The following GTF3C1 variants were observed in gnomAD, a reference collection of about 807,000 sequenced individuals.
GTF3C1 encodes the protein general transcription factor IIIC subunit 1, also known as general transcription factor 3C polypeptide 1.
In GTF3C1, 57 loss-of-function variants were observed where a neutral mutation model predicts 226.7. The ratio of observed to expected loss-of-function variants is 0.25; its 90% CI spans 0.20 to 0.31. The LOEUF (loss-of-function observed/expected upper bound fraction) is 0.31. GTF3C1 is among the 10% of genes least tolerant of loss of function. GTF3C1 has a pLI of 1.00. For synonymous variants in GTF3C1, 1,090 were observed against 1,084.8 expected (o/e 1.00, Z -0.09); for missense variants, 2,217 against 2,776.1 (o/e 0.80, Z 4.53).
In GTF3C1 at chr16:27,498,729, TC is replaced by T; in HGVS notation, c.2065del (p.Asp689IlefsTer14). The part of the protein sequence containing the change: ...VIQDGIKKKV[D>X]LVVHPSMDQN... The stretch of plus-strand genomic sequence containing the variant: ...GTCCATGGACGGGTGCACCACCAGA[TC>T]CACCTGGAGAGAGAGGTTGGAGCAT... On this transcript the variant is annotated frameshift_variant, in exon 13 of 37. Coordinates refer to ENST00000356183, the MANE Select transcript of GTF3C1 (RefSeq NM_001520.4). LOFTEE classifies it high-confidence loss of function. 1 of 1,540,894 alleles carries T rather than the reference TC, an allele frequency of 6.5e-7. No homozygotes were observed. The highest frequency in any genetic ancestry group is 9.0e-7 in the Non-Finnish European group (1 of 1,113,270).
chr16:27,462,687 C>T lies in GTF3C1; in HGVS notation c.5925-201G>A. On this transcript the variant is annotated intron_variant, in intron 35 of 36. Coordinates refer to ENST00000356183, the MANE Select transcript of GTF3C1 (RefSeq NM_001520.4). The surrounding 1 kb of genome is among the most constrained non-coding windows in gnomAD (Gnocchi z 4.5). The stretch of plus-strand genomic sequence containing the variant: ...GCCCTTGACCGCCAGCTGGGTGGAA[C>T]CAGGACGTGGTGTCCGCTCTGATGT... The T allele has an allele frequency of 1.7e-6, 1 of 572,698 alleles. No individual in the cohort carries two copies. The highest frequency in any genetic ancestry group is 2.8e-5 in the East Asian group (1 of 35,508). The allele number at this position is 572,698 out of a possible 1,614,324, so 35.5% of individuals were successfully genotyped here.
chr16:27,513,922 G>T (rs1344249832), intron 6 of GTF3C1, among the ~76,000 whole-genome samples: 1 of 152,136 alleles, frequency 6.6e-6, no homozygotes, highest in South Asian at 2.1e-4. Context: ...CAGCACAGAA[G>T]ACTGAGGTCC....
intron 5 of GTF3C1, among the ~76,000 whole-genome samples, chr16:27,530,424 C>A (rs1318851215): frequency 2.6e-5 from 4 of 152,106 alleles, no homozygotes; most frequent in African/African-American, 9.7e-5. Flanking sequence ...TGTAGTCTTG[C>A]CTTCTGAGGG....
At chr16:27,494,532 C>T (rs1324894892) in intron 16 of GTF3C1, among the ~76,000 whole-genome samples, 1 of 152,132 alleles carries the variant, frequency 6.6e-6, no homozygotes, top group Non-Finnish European at 1.5e-5. Context: ...ACCCGCCAAC[C>T]ACCCACCCAT....
At position 27,473,618 on chromosome 16, in the gene GTF3C1, C is replaced by T. The variant is rs544902836; in HGVS notation, c.4354-1698G>A. On this transcript the variant is annotated intron_variant, in intron 29 of 36. Coordinates refer to ENST00000356183, the MANE Select transcript of GTF3C1 (RefSeq NM_001520.4). ...GGTGGGTCAGAGGAGAGAAGAGCAA[C>T]CTCACCACTGCACCTTCCTTCCAGT... Among the ~76,000 whole-genome samples the T allele has an allele frequency of 4.4e-4, 67 of 152,346 alleles. 1 individual carries two copies. In the South Asian group the frequency reaches 0.014, roughly 31 times the overall value.
chr16:27,538,211 G>C lies in GTF3C1; in HGVS notation c.577C>G (p.Leu193Val). 1 of 1,587,108 alleles carries C rather than the reference G, an allele frequency of 6.3e-7. No homozygotes were observed. Among genetic ancestry groups the C allele is most frequent in the Non-Finnish European group, 8.5e-7 (1 of 1,169,830 alleles). Residue 193 changes from leucine to valine, a missense_variant, in exon 3 of 37, where the codon CTC becomes GTC. Physicochemically the swap from Leu to Val is conservative, Grantham distance 32. Coordinates refer to ENST00000356183, the MANE Select transcript of GTF3C1 (RefSeq NM_001520.4). ...RLGRSRWQGE[L>V]QRDLHTTAFK... is the part of the protein sequence containing the mutation. ...GCAGTGGTGTGAAGGTCTCGCTGGA[G>C]CTCCCCTTGCCACCTGGACCGGCCT...
In GTF3C1 at chr16:27,501,235, G is replaced by A; in HGVS notation, c.2017C>T (p.Arg673Ter). 6.2e-7 allele frequency: 1 copy of A among 1,614,014 alleles called. No homozygotes were observed. The highest frequency in any genetic ancestry group is 8.5e-7 in the Non-Finnish European group (1 of 1,179,896). Residue 673 changes from arginine to a stop codon, truncating the protein, a stop_gained, in exon 12 of 37, where the codon CGA becomes TGA. Transcript: ENST00000356183. LOFTEE classifies it high-confidence loss of function. ...TGAATGACAGTGGTCCGATACAATC[G>A]CAAGAGACCTTCCTCAGACAGGTTC... ...VRNLSEEGLL[R>*]LYRTTVIQDG...
chr16:27,464,459 A>G lies in GTF3C1; in HGVS notation c.5733T>C (p.Ser1911=). The change falls in exon 34 of 37, where the codon TCT becomes TCC. Residue 1911 remains serine (S), a synonymous_variant. Transcript: ENST00000356183. Reference sequence around the variant, plus strand: ...CGGTGTCTTCAAGAGCTGGGGGTGGAGATGGGGCCTGGGCTTCTGCCCCAT... The same window carrying G: ...CGGTGTCTTCAAGAGCTGGGGGTGGGGATGGGGCCTGGGCTTCTGCCCCAT... ...AEDGAEAQAP[S]PPPALEDTAA... The G allele has an allele frequency of 1.3e-6, 2 of 1,594,374 alleles. No individual in the cohort carries two copies. The highest frequency in any genetic ancestry group is 1.7e-6 in the Non-Finnish European group (2 of 1,171,236).
rs1784354231 is a variant in GTF3C1, at chr16:27,470,162, G to A, written c.4760C>T (p.Pro1587Leu). The change falls in exon 31 of 37, where the codon CCG becomes CTG. Residue 1587 changes from proline to leucine, a missense_variant. Pro to Leu is a moderately conservative substitution (Grantham distance 98, BLOSUM62 -3). Transcript: ENST00000356183. This position sits in a 1 kb window ranked among gnomAD's most constrained non-coding sequence, Gnocchi z 4.9. ...LGLISVDVRI[P>L]EQIIVVDSSM... is the part of the protein sequence containing the mutation. ...GCTGTCTACCACGATGATCTGCTCC[G>A]GGATCCTGACATCCACAGAAATGAG... 1.2e-6 allele frequency: 2 copies of A among 1,613,838 alleles called. No homozygotes were observed. Among genetic ancestry groups the A allele is most frequent in the Non-Finnish European group, 8.5e-7 (1 of 1,179,782 alleles).
At position 27,495,322 on chromosome 16, in the gene GTF3C1, C is replaced by G; in HGVS notation, c.2521G>C (p.Val841Leu). 1 of 1,613,780 alleles carries G rather than the reference C, an allele frequency of 6.2e-7. No homozygotes were observed. Among genetic ancestry groups the G allele is most frequent in the Non-Finnish European group, 8.5e-7 (1 of 1,179,714 alleles). The change falls in exon 15 of 37, where the codon GTC becomes CTC. Residue 841 changes from valine to leucine, a missense_variant. By Grantham distance (32) the Val-to-Leu change is conservative. Transcript: ENST00000356183. ...GCACTTCCAGAGGAGGACGGCCGGACGCCTGCCCTGCCTGACTCCTGCTTT... is the reference window on the plus strand; with the variant it reads ...GCACTTCCAGAGGAGGACGGCCGGAGGCCTGCCCTGCCTGACTCCTGCTTT... The part of the protein sequence containing the change: ...TIKQESGRAG[V>L]RPSSSGSAWE...
At chr16:27,483,914 C>A (rs1158148863) in intron 25 of GTF3C1, among the ~76,000 whole-genome samples, 3 of 152,190 alleles carry the variant, frequency 2.0e-5, no homozygotes, top group African/African-American at 7.2e-5. Context: ...CAGCTAGGCA[C>A]GTGGTACTTA....
intron 5 of GTF3C1, among the ~76,000 whole-genome samples, chr16:27,531,589 G>A (rs1416021542): frequency 6.6e-6 from 1 of 152,160 alleles, no homozygotes; most frequent in Non-Finnish European, 1.5e-5. Context: ...CCATCTTATT[G>A]TGGAACACAG....
chr16:27,470,462 C>A lies in GTF3C1; in HGVS notation c.4527-67G>T. 7.9e-7 allele frequency: 1 copy of A among 1,268,900 alleles called. No homozygotes were observed. The highest frequency in any genetic ancestry group is 1.3e-5 in the South Asian group (1 of 76,022). 78.6% of individuals were successfully genotyped at this position (1,268,900 alleles called of 1,614,324 possible). A position where few individuals can be genotyped will look rare whatever the true frequency, so the allele number is the denominator to read the frequency against. On this transcript the variant is annotated intron_variant, in intron 30 of 36. Transcript: ENST00000356183. The surrounding 1 kb of genome is among the most constrained non-coding windows in gnomAD (Gnocchi z 4.9). ...TGTGGGAAGCCTTCATTTGGATGGA[C>A]TATGAGCACGTCAAACCATTATGGT...
rs2087860198 is a variant in GTF3C1, at chr16:27,471,070, T to C, written c.4527-675A>G. Among the ~76,000 whole-genome samples the C allele has an allele frequency of 6.6e-6, 1 of 152,260 alleles. No homozygotes were observed. Among genetic ancestry groups the C allele is most frequent in the East Asian group, 1.9e-4 (1 of 5,184 alleles). On this transcript the variant is annotated intron_variant, in intron 30 of 36. Transcript: ENST00000356183. The surrounding 1 kb of genome is among the most constrained non-coding windows in gnomAD (Gnocchi z 5.0). ...GGGGAGGAGGAAGTGTCTGCCGTCGTGGGGAAGGGATGGGATCAAAGAACC... is the reference window on the plus strand; with the variant it reads ...GGGGAGGAGGAAGTGTCTGCCGTCGCGGGGAAGGGATGGGATCAAAGAACC...
At chr16:27,479,710 C>T (rs1222920607) in intron 27 of GTF3C1, among the ~76,000 whole-genome samples, 1 of 152,056 alleles carries the variant, frequency 6.6e-6, no homozygotes, top group African/African-American at 2.4e-5. Flanking sequence ...CTCAGGTGAT[C>T]CACCCGCCTC....
At chr16:27,482,952 G>A in intron 26 of GTF3C1, 92 bp downstream of exon 26, 1 of 1,042,900 alleles carries the variant, frequency 9.6e-7, no homozygotes, top group Admixed American at 1.9e-5. Context: ...TCCTAAGGCT[G>A]GCAGGGGCAC....
Position 27,464,385 on chromosome 16 carries a change from C to A in GTF3C1, c.5807G>T (p.Ser1936Ile). 6.3e-7 allele frequency: 1 copy of A among 1,591,154 alleles called. No individual in the cohort carries two copies. Among genetic ancestry groups the A allele is most frequent in the South Asian group, 1.1e-5 (1 of 87,376 alleles). The change falls in exon 34 of 37, where the codon AGT (serine) becomes ATT (isoleucine). Residue 1936 changes from serine (S) to isoleucine (I), a missense_variant. Transcript: ENST00000356183. ...GCTCAGCTGCTCTTGGCCTGGGGAA[C>A]TGAACTCACCGACACCCTCTTGGTC... ...QEDQEGVGEFSSPGQEQLSGQ... is the reference protein window; with the variant it reads ...QEDQEGVGEFISPGQEQLSGQ...
In GTF3C1 at chr16:27,502,879, G is replaced by A; in HGVS notation, c.1887C>T (p.Arg629=). The A allele has an allele frequency of 6.3e-7, 1 of 1,594,612 alleles. No homozygotes were observed. The highest frequency in any genetic ancestry group is 8.5e-7 in the Non-Finnish European group (1 of 1,169,618). The change falls in exon 11 of 37, where the codon CGC becomes CGT. Residue 629 remains arginine (R), a synonymous_variant. Transcript: ENST00000356183. ...CTTACGTGAATAAACTCTCGATTAA[G>A]CGAAGATTGGTGACAGCTTCTATGA... ...NLIIEAVTNL[R]LIESLFTIQK...
In GTF3C1 at chr16:27,481,822, GC is replaced by G. The variant is rs528373048; in HGVS notation, c.4084-632del. Among the ~76,000 whole-genome samples the G allele has an allele frequency of 1.8e-4, 28 of 152,226 alleles. No homozygotes were observed. In the East Asian group the frequency reaches 5.2e-3, roughly 28 times the overall value. On this transcript the variant is annotated intron_variant, in intron 26 of 36. Transcript: ENST00000356183. ...GGCTCCCTCTCCCCTCACTGTTGCT[GC>G]CCCAGCTGCCGTGGTTTCCAGTCTC...
Sources: allele counts gnomAD v4.1 joint callset (sites outside exome capture counted in the v4.1 genomes callset), GRCh38; gene constraint gnomAD v4.1.1; non-coding constraint Gnocchi (gnomAD v3.1); transcripts MANE v1.5; gene names NCBI Gene and HGNC (gene_info 2026-07-23, HGNC 2026-07-21).